Variants in PPP1R13B observed in about 807,000 individuals in gnomAD.
PPP1R13B encodes protein phosphatase 1 regulatory subunit 13B, also known as apoptosis-stimulating of p53 protein 1.
PPP1R13B carries 44 observed loss-of-function variants against 119.8 expected under a neutral mutation model. The ratio of observed to expected loss-of-function variants is 0.37; its 90% confidence interval spans 0.29 to 0.47. The LOEUF (loss-of-function observed/expected upper bound fraction) is 0.47. PPP1R13B is among the 20% of genes least tolerant of loss of function. The pLI is 0.99. For synonymous variants in PPP1R13B, 542 were observed against 561.5 expected, an observed-to-expected ratio of 0.97 and a Z score of 0.49; for missense variants, 1,227 against 1,413.5, an observed-to-expected ratio of 0.87 and a Z score of 2.12.
Position 103,734,572 on chromosome 14 carries a change from G to C in PPP1R13B, c.*582C>G, listed in dbSNP as rs561065469. The C allele has an allele frequency of 2.2e-6, 1 of 456,516 alleles. No homozygotes were observed. Among genetic ancestry groups the C allele is most frequent in the South Asian group, 1.5e-5 (1 of 64,568 alleles). 28.3% of individuals were successfully genotyped at this position (456,516 alleles called of 1,614,324 possible). A position where few individuals can be genotyped will look rare whatever the true frequency, so the allele number is the denominator to read the frequency against. ...TCAGCCTTTAGGTGAACTGGAACAG[G>C]AAGCGGAACCCCCAAGGCGGCCGAG... On this transcript the variant is annotated 3_prime_UTR_variant, in exon 17 of 17. Transcript: ENST00000202556.
chr14:103,819,822 G>A (rs1208295311), intron 1 of PPP1R13B, among the ~76,000 whole-genome samples: 2 of 152,066 alleles, frequency 1.3e-5, no homozygotes, highest in Non-Finnish European at 2.9e-5. Context: ...CTTTTGAGAG[G>A]TTACAAAACA....
intron 4 of PPP1R13B, among the ~76,000 whole-genome samples, chr14:103,767,710 T>C (rs1407281565): frequency 6.6e-6 from 1 of 151,944 alleles, no homozygotes; most frequent in African/African-American, 2.4e-5. Context: ...TCTCAGTGTC[T>C]CCTCCCCCTT....
At position 103,757,633 on chromosome 14, in the gene PPP1R13B, C is replaced by T; in HGVS notation, c.456+17G>A. On this transcript the variant is annotated intron_variant, in intron 5 of 16. Transcript: ENST00000202556. Reference sequence around the variant, plus strand: ...TACTTTTTGAACAATGTTTCAATACCTCTTTTTATAACTTACCTTGGCAAC... The same window carrying T: ...TACTTTTTGAACAATGTTTCAATACTTCTTTTTATAACTTACCTTGGCAAC... 6.2e-7 allele frequency: 1 copy of T among 1,609,154 alleles called. No individual in the cohort carries two copies. Among genetic ancestry groups the T allele is most frequent in the Non-Finnish European group, 8.5e-7 (1 of 1,176,264 alleles).
At chr14:103,788,457 T>A (rs1021423579) in intron 2 of PPP1R13B, among the ~76,000 whole-genome samples, 2 of 152,188 alleles carry the variant, frequency 1.3e-5, no homozygotes, top group East Asian at 1.9e-4. Flanking sequence ...AGAACAAAGA[T>A]TGATACGGAT....
chr14:103,812,645 C>T (rs1291156700), intron 1 of PPP1R13B, among the ~76,000 whole-genome samples: 1 of 152,048 alleles, frequency 6.6e-6, no homozygotes, highest in Non-Finnish European at 1.5e-5. Context: ...TCTCGAACTC[C>T]TGACCTCAAA....
chr14:103,791,133 T>TTC (rs58032444), intron 2 of PPP1R13B, among the ~76,000 whole-genome samples: 5,337 of 152,046 alleles, frequency 0.035, 271 homozygotes, highest in African/African-American at 0.11. Flanking sequence ...TCTTTTTTTT[T>TTC]TTTTAAGAGA....
At chr14:103,746,095 T>C (rs1383655628) in intron 9 of PPP1R13B, among the ~76,000 whole-genome samples, 1 of 152,240 alleles carries the variant, frequency 6.6e-6, no homozygotes, top group African/African-American at 2.4e-5. Context: ...CGTGAGCCAC[T>C]GCACCCGGCC....
In PPP1R13B at chr14:103,738,699, A is replaced by G; in HGVS notation, c.2844T>C (p.Asn948=). 1 of 1,614,262 alleles carries G rather than the reference A, an allele frequency of 6.2e-7. No homozygotes were observed. ...KFLLDFGVNV[N]AADSDGWTPL... is the part of the protein sequence containing the mutation. ...CTCACCATCCATCACTATCAGCAGCATTCACGTTGACACCAAAATCCAGCA... is the reference window on the plus strand; with the variant it reads ...CTCACCATCCATCACTATCAGCAGCGTTCACGTTGACACCAAAATCCAGCA... The change falls in exon 14 of 17, where the codon AAT becomes AAC. Residue 948 remains asparagine (N), a synonymous_variant. Transcript: ENST00000202556. This position sits in a 1 kb window ranked among gnomAD's most constrained non-coding sequence, Gnocchi z 5.6.
intron 4 of PPP1R13B, 174 bp downstream of exon 4, chr14:103,778,570 AT>A: frequency 1.7e-6 from 1 of 592,682 alleles, no homozygotes; most frequent in Non-Finnish European, 3.0e-6. Context: ...CATCTGATTA[AT>A]TTTTTAAAAC....
At chr14:103,819,889 A>G (rs2152068077) in intron 1 of PPP1R13B, among the ~76,000 whole-genome samples, 1 of 152,260 alleles carries the variant, frequency 6.6e-6, no homozygotes, top group East Asian at 1.9e-4. Flanking sequence ...AATTATTATC[A>G]TTTTACAAAG....
intron 1 of PPP1R13B, among the ~76,000 whole-genome samples, chr14:103,803,510 G>A (rs1281350849): frequency 6.6e-6 from 1 of 152,038 alleles, no homozygotes; most frequent in Non-Finnish European, 1.5e-5. Flanking sequence ...GGACATGGTG[G>A]TGGGCACCTG....
chr14:103,816,714 T>C (rs2086291241), intron 1 of PPP1R13B, among the ~76,000 whole-genome samples: 1 of 152,068 alleles, frequency 6.6e-6, no homozygotes, highest in Non-Finnish European at 1.5e-5. Flanking sequence ...ATTTTTCCTT[T>C]TCTCAGCCCA....
Position 103,757,724 on chromosome 14 carries a change from G to T in PPP1R13B, c.382C>A (p.Leu128Ile). Residue 128 changes from leucine (L) to isoleucine (I), a missense_variant, in exon 5 of 17, where the codon CTC becomes ATC. Leu to Ile is a conservative substitution (Grantham distance 5, BLOSUM62 2). Coordinates refer to ENST00000202556, the MANE Select transcript of PPP1R13B (RefSeq NM_015316.3). Reference sequence around the variant, plus strand: ...GCTGCCATATCTTGGAGCTCTGAGAGGGTAAGTTCAACACGTGGATTCCCA... The same window carrying T: ...GCTGCCATATCTTGGAGCTCTGAGATGGTAAGTTCAACACGTGGATTCCCA... ...GVGNPRVELTLSELQDMAARQ... is the reference protein window; with the variant it reads ...GVGNPRVELTISELQDMAARQ... The T allele has an allele frequency of 6.2e-7, 1 of 1,613,980 alleles. No homozygotes were observed. The highest frequency in any genetic ancestry group is 8.5e-7 in the Non-Finnish European group (1 of 1,179,942).
intron 1 of PPP1R13B, among the ~76,000 whole-genome samples, chr14:103,807,100 C>T (rs955771396): frequency 2.0e-5 from 3 of 152,212 alleles, no homozygotes; most frequent in Admixed American, 6.5e-5. Context: ...ATCCCTTCTG[C>T]CTCCCTCAAC....
intron 5 of PPP1R13B, among the ~76,000 whole-genome samples, chr14:103,755,785 A>T (rs1158668198): frequency 6.6e-6 from 1 of 152,262 alleles, no homozygotes; most frequent in Non-Finnish European, 1.5e-5. Context: ...ACAATGACAT[A>T]ATACTATGTA....
Position 103,828,439 on chromosome 14 carries a change from C to G in PPP1R13B, c.9+18860G>C, listed in dbSNP as rs557749022. On this transcript the variant is annotated intron_variant, in intron 1 of 16. Transcript: ENST00000202556. The stretch of plus-strand genomic sequence containing the variant: ...TAAGGCAGTGTTACCTTTTATGTAA[C>G]ATAAATTGGTTACATTTACAGGATC... Among the ~76,000 whole-genome samples, 75 of 150,058 alleles carry G rather than the reference C, an allele frequency of 5.0e-4. 1 individual carries two copies. In the South Asian group the frequency reaches 7.8e-3, roughly 16 times the overall value.
rs148993046 is a variant in PPP1R13B at position 103,754,837 on chromosome 14, T to G, written c.457-593A>C. Reference sequence around the variant, plus strand: ...CTCTGTTGCCCAGGCTGGAGTGCAGTGGCATGATCTCGGCTCACTGCAAGC... The same window carrying G: ...CTCTGTTGCCCAGGCTGGAGTGCAGGGGCATGATCTCGGCTCACTGCAAGC... On this transcript the variant is annotated intron_variant, in intron 5 of 16. Transcript: ENST00000202556. 5.0e-3 allele frequency among the ~76,000 whole-genome samples: 756 copies of G among 151,918 alleles called. 8 individuals are homozygous for G. The highest frequency in any genetic ancestry group is 0.017 in the African/African-American group (718 of 41,440).
intron 1 of PPP1R13B, among the ~76,000 whole-genome samples, chr14:103,844,965 T>C (rs1024671685): frequency 6.6e-6 from 1 of 152,146 alleles, no homozygotes; most frequent in African/African-American, 2.4e-5. Flanking sequence ...TAATATCTCA[T>C]TAGTGGTTTT....
At position 103,754,129 on chromosome 14, in the gene PPP1R13B, T is replaced by A; in HGVS notation, c.572A>T (p.Lys191Met). ...ERVEAQENKLKKIRAMRGQVD... is the reference protein window; with the variant it reads ...ERVEAQENKLMKIRAMRGQVD... ...TTGTCCTCTCATTGCACGAATTTTC[T>A]TCAGCTTGTTCTCCTGGGCTTCAAC... Residue 191 changes from lysine (K) to methionine (M), a missense_variant, in exon 6 of 17, where the codon AAG becomes ATG. Transcript: ENST00000202556. 1.2e-6 allele frequency: 2 copies of A among 1,614,122 alleles called. No homozygotes were observed. Among genetic ancestry groups the A allele is most frequent in the Non-Finnish European group, 1.7e-6 (2 of 1,180,026 alleles).
Sources: gnomAD v4.1 joint callset for allele counts (sites outside exome capture counted in the v4.1 genomes callset) on GRCh38, gnomAD v4.1.1 for gene constraint, Gnocchi (gnomAD v3.1) non-coding constraint, MANE v1.5 for transcripts, NCBI Gene and HGNC (gene_info 2026-07-23, HGNC 2026-07-21) for gene names.